NR5A2: variants seen among roughly 807,000 people sequenced by gnomAD.
The protein encoded by NR5A2 is CYP7A promoter-binding factor.
NR5A2 carries 26 observed loss-of-function variants against 62.7 expected under a neutral mutation model. The ratio of observed to expected loss-of-function variants is 0.41; its 90% CI spans 0.30 to 0.58. The LOEUF is 0.58. Among genes scored for constraint, NR5A2 ranks in the 20% least tolerant of loss-of-function variants. The pLI is 0.22. For synonymous variants in NR5A2, 246 were observed against 241.7 expected, an observed-to-expected ratio of 1.02 and a Z score of -0.16; for missense variants, 541 against 669.1, an observed-to-expected ratio of 0.81 and a Z score of 2.11.
chr1:200,054,584 G>C (rs1662823125), intron 5 of NR5A2, among the ~76,000 whole-genome samples: 1 of 152,092 alleles, frequency 6.6e-6, no homozygotes, highest in Non-Finnish European at 1.5e-5. Context: ...AATCCTGACT[G>C]AAACTCCCAA....
At chr1:200,165,427 C>T (rs755172398) in intron 7 of NR5A2, among the ~76,000 whole-genome samples, 20 of 152,142 alleles carry the variant, frequency 1.3e-4, no homozygotes, top group African/African-American at 4.1e-4. Flanking sequence ...TTTGGACACA[C>T]GTAATGACAT....
At chr1:200,139,790 C>T (rs138203412) in intron 7 of NR5A2, among the ~76,000 whole-genome samples, 518 of 152,298 alleles carry the variant, frequency 3.4e-3, no homozygotes, top group Middle Eastern at 0.031. Flanking sequence ...TGGAGACAGA[C>T]ATTCAAGGCT....
chr1:200,101,712 A>G (rs942793685), intron 5 of NR5A2, among the ~76,000 whole-genome samples: 1 of 152,348 alleles, frequency 6.6e-6, no homozygotes. Flanking sequence ...ATATGTGGCT[A>G]TATATGGAAA....
intron 5 of NR5A2, among the ~76,000 whole-genome samples, chr1:200,067,316 G>A (rs997514847): frequency 3.3e-5 from 5 of 152,178 alleles, no homozygotes; most frequent in African/African-American, 1.2e-4. Flanking sequence ...CAGCACTTTG[G>A]GAGGCCAAGG....
chr1:200,080,559 A>G (rs1219020712), intron 5 of NR5A2, among the ~76,000 whole-genome samples: 1 of 152,194 alleles, frequency 6.6e-6, no homozygotes, highest in East Asian at 1.9e-4. Flanking sequence ...CTATCTAAAC[A>G]AAAGGCGATT....
intron 6 of NR5A2, among the ~76,000 whole-genome samples, chr1:200,111,596 C>T (rs144349837): frequency 5.1e-4 from 77 of 152,300 alleles, no homozygotes; most frequent in Middle Eastern, 6.8e-3. Flanking sequence ...GTAAATGAAA[C>T]GTAATGATTA....
chr1:200,065,388 C>G (rs556179035), intron 5 of NR5A2, among the ~76,000 whole-genome samples: 1 of 152,156 alleles, frequency 6.6e-6, no homozygotes, highest in African/African-American at 2.4e-5. Flanking sequence ...AGGTGATCCA[C>G]CACCTCGGCC....
intron 5 of NR5A2, among the ~76,000 whole-genome samples, chr1:200,085,662 CAA>C (rs779455520): frequency 5.5e-4 from 50 of 91,056 alleles, no homozygotes; most frequent in Admixed American, 7.7e-4. Context: ...AGACCTATCT[CAA>C]AAAAAAAAAA....
At chr1:200,095,622 A>G (rs555805182) in intron 5 of NR5A2, among the ~76,000 whole-genome samples, 19 of 151,504 alleles carry the variant, frequency 1.3e-4, no homozygotes, top group African/African-American at 2.9e-4. Flanking sequence ...GTGCCATCTC[A>G]GCTCACTCCA....
intron 7 of NR5A2, among the ~76,000 whole-genome samples, chr1:200,145,875 C>A (rs1438839137): frequency 1.3e-5 from 2 of 152,026 alleles, no homozygotes; most frequent in Non-Finnish European, 2.9e-5. Flanking sequence ...TCAGTTTATG[C>A]CTGAACATAA....
At chr1:200,088,065 T>C (rs925539316) in intron 5 of NR5A2, among the ~76,000 whole-genome samples, 18 of 152,014 alleles carry the variant, frequency 1.2e-4, no homozygotes, top group Non-Finnish European at 1.9e-4. Context: ...GCTAACATTT[T>C]AATTTTGTTT....
rs540306789 is a variant in NR5A2, at chr1:200,119,792, A to G, written c.1231-1016A>G. Among the ~76,000 whole-genome samples the G allele has an allele frequency of 1.1e-4, 17 of 152,226 alleles. 1 individual carries two copies. The South Asian group carries it at 3.5e-3, about 32-fold the overall frequency. On this transcript the variant is annotated intron_variant, in intron 6 of 7. Transcript: ENST00000367362. The stretch of plus-strand genomic sequence containing the variant: ...CAGGCACATGCCACCACGCCCAGCC[A>G]ATTTTTGTATTTTTAGTAGAGATGG...
At chr1:200,091,949 T>C (rs1664837902) in intron 5 of NR5A2, among the ~76,000 whole-genome samples, 1 of 152,182 alleles carries the variant, frequency 6.6e-6, no homozygotes, top group African/African-American at 2.4e-5. Context: ...CCACCAGCAT[T>C]GGTTTCATTA....
intron 5 of NR5A2, among the ~76,000 whole-genome samples, chr1:200,051,289 G>C (rs1662619020): frequency 8.3e-6 from 1 of 119,794 alleles, no homozygotes; most frequent in African/African-American, 5.1e-5. Context: ...ATGTAAAAAA[G>C]GAAACATGAA....
chr1:200,171,472 G>A (rs182332381), intron 7 of NR5A2, among the ~76,000 whole-genome samples: 1 of 152,318 alleles, frequency 6.6e-6, no homozygotes, highest in African/African-American at 2.4e-5. Flanking sequence ...ATCGAGGCTG[G>A]ACGCAGTAGC....
At chr1:200,160,046 T>G (rs1653573361) in intron 7 of NR5A2, among the ~76,000 whole-genome samples, 1 of 152,156 alleles carries the variant, frequency 6.6e-6, no homozygotes, top group Non-Finnish European at 1.5e-5. Flanking sequence ...CCATGTCCCT[T>G]TTCTGCGTGA....
chr1:200,110,591 A>G (rs886638825), intron 5 of NR5A2, among the ~76,000 whole-genome samples: 3 of 152,198 alleles, frequency 2.0e-5, no homozygotes, highest in African/African-American at 7.2e-5. Context: ...CAAATTATAA[A>G]AGAAATTCCA....
At chr1:200,056,974 A>T (rs1287736041) in intron 5 of NR5A2, among the ~76,000 whole-genome samples, 1 of 152,206 alleles carries the variant, frequency 6.6e-6, no homozygotes, top group Non-Finnish European at 1.5e-5. Context: ...TGGTTTTGCA[A>T]ACTGAGGCTT....
intron 5 of NR5A2, among the ~76,000 whole-genome samples, chr1:200,086,273 AAGAGGGTGGGG>A (rs1401852367): frequency 9.9e-5 from 15 of 152,082 alleles, no homozygotes; most frequent in Admixed American, 6.6e-5. Flanking sequence ...ATGGAGAGGT[AAGAGGGTGGGG>A]AGAGAATGAG....
Sources: gnomAD v4.1 joint callset for allele counts (sites outside exome capture counted in the v4.1 genomes callset) on GRCh38, gnomAD v4.1.1 for gene constraint, MANE v1.5 for transcripts, NCBI Gene and HGNC (gene_info 2026-07-23, HGNC 2026-07-21) for gene names.